Variants in GLIS1 observed in about 807,000 individuals in gnomAD.
GLIS1 encodes GLIS family zinc finger 1.
Under a neutral mutation model 63.8 loss-of-function variants are expected in GLIS1, and 24 were observed. The observed-to-expected ratio is 0.38, with a 90% CI of 0.27 to 0.53. GLIS1 has a LOEUF of 0.53. Ranked by LOEUF, GLIS1 falls within the 20% of genes least tolerant of loss-of-function variation. The pLI is 0.85. For missense variants in GLIS1, 1,036 were observed against 1,074.1 expected, an observed-to-expected ratio of 0.96 and a Z score of 0.50; for synonymous variants, 450 against 482.5, an observed-to-expected ratio of 0.93 and a Z score of 0.88.
intron 2 of GLIS1, among the ~76,000 whole-genome samples, chr1:53,725,397 G>T (rs1408471628): frequency 6.6e-6 from 1 of 152,172 alleles, no homozygotes; most frequent in African/African-American, 2.4e-5. Context: ...ATGCTACCCT[G>T]GCCAGGGGAG....
At chr1:53,553,461 C>T (rs1288603048) in intron 4 of GLIS1, among the ~76,000 whole-genome samples, 1 of 151,886 alleles carries the variant, frequency 6.6e-6, no homozygotes, top group African/African-American at 2.4e-5. Flanking sequence ...AGAAGCTAAG[C>T]ATCATTCTAG....
At chr1:53,561,927 C>A (rs1293154081) in intron 4 of GLIS1, among the ~76,000 whole-genome samples, 1 of 152,224 alleles carries the variant, frequency 6.6e-6, no homozygotes, top group African/African-American at 2.4e-5. Context: ...TCACTATTCC[C>A]GTCTCAGAGG....
At chr1:53,549,183 C>A (rs1411498839) in intron 4 of GLIS1, among the ~76,000 whole-genome samples, 1 of 152,208 alleles carries the variant, frequency 6.6e-6, no homozygotes, top group Non-Finnish European at 1.5e-5. Context: ...TCCATCCCTC[C>A]ATTGATGGAC....
In GLIS1 at chr1:53,526,771, G is replaced by A. The variant is rs1376535500; in HGVS notation, c.1483-1884C>T. 6.6e-6 allele frequency among the ~76,000 whole-genome samples: 1 copy of A among 152,248 alleles called. No homozygotes were observed. The highest frequency in any genetic ancestry group is 1.5e-5 in the Non-Finnish European group (1 of 68,044). On this transcript the variant is annotated intron_variant, in intron 5 of 10. Coordinates refer to ENST00000628545, the MANE Select transcript of GLIS1 (RefSeq NM_001367484.1). The surrounding 1 kb of genome is among the most constrained non-coding windows in gnomAD (Gnocchi z 4.4). ...CCGGCACATTCGCCTGGAAACGGGCGGCAAGGCCCATCTCTGTGTTTGTTT... is the reference window on the plus strand; with the variant it reads ...CCGGCACATTCGCCTGGAAACGGGCAGCAAGGCCCATCTCTGTGTTTGTTT...
At chr1:53,667,640 T>C (rs888033582) in intron 2 of GLIS1, among the ~76,000 whole-genome samples, 3 of 152,180 alleles carry the variant, frequency 2.0e-5, no homozygotes, top group African/African-American at 7.2e-5. Context: ...TAACACTGGG[T>C]AATTTATAAG....
At position 53,510,039 on chromosome 1, in the gene GLIS1, A is replaced by G; in HGVS notation, c.1884-12T>C. ...GGCCGGGCCCCAACCTGGAGAGAAC[A>G]GAGGTGCCCATCAGCAGGCAGGGGT... On this transcript the variant is annotated splice_polypyrimidine_tract_variant and intron_variant, in intron 8 of 10. Coordinates refer to ENST00000628545, the MANE Select transcript of GLIS1 (RefSeq NM_001367484.1). 6 of 1,258,636 alleles carry G rather than the reference A, an allele frequency of 4.8e-6. No individual in the cohort carries two copies. The highest frequency in any genetic ancestry group is 6.0e-6 in the Non-Finnish European group (6 of 993,814). The allele number at this position is 1,258,636 out of a possible 1,614,324, so 78.0% of individuals were successfully genotyped here.
At chr1:53,600,840 A>G (rs1269270292) in intron 2 of GLIS1, among the ~76,000 whole-genome samples, 3 of 152,222 alleles carry the variant, frequency 2.0e-5, no homozygotes, top group African/African-American at 7.2e-5. Flanking sequence ...CCACAGAAAC[A>G]CAGTGTGCAA....
intron 2 of GLIS1, among the ~76,000 whole-genome samples, chr1:53,666,209 C>T (rs1646089666): frequency 6.6e-6 from 1 of 152,200 alleles, no homozygotes; most frequent in Non-Finnish European, 1.5e-5. Flanking sequence ...GTTAACTGAG[C>T]ACCTGCTATG....
intron 4 of GLIS1, among the ~76,000 whole-genome samples, chr1:53,572,580 C>T (rs1441711307): frequency 6.6e-6 from 1 of 152,198 alleles, no homozygotes; most frequent in Non-Finnish European, 1.5e-5. Context: ...CAACAGCCTC[C>T]GTGCAGTCAG....
chr1:53,552,253 T>C (rs1444039123), intron 4 of GLIS1, among the ~76,000 whole-genome samples: 1 of 151,974 alleles, frequency 6.6e-6, no homozygotes, highest in Non-Finnish European at 1.5e-5. Context: ...TAAGCTGCTA[T>C]AGGTGGAAAG....
intron 4 of GLIS1, among the ~76,000 whole-genome samples, chr1:53,565,673 A>G (rs552264065): frequency 1.1e-4 from 16 of 150,208 alleles, no homozygotes; most frequent in Non-Finnish European, 2.1e-4. Flanking sequence ...AGAAATAGAA[A>G]GCATTAACAG....
chr1:53,506,555 G>A lies in GLIS1; in HGVS notation c.*64C>T. 2 of 1,533,816 alleles carry A rather than the reference G, an allele frequency of 1.3e-6. No homozygotes were observed. The highest frequency in any genetic ancestry group is 1.8e-6 in the Non-Finnish European group (2 of 1,116,208). On this transcript the variant is annotated 3_prime_UTR_variant, in exon 11 of 11. Coordinates refer to ENST00000628545, the MANE Select transcript of GLIS1 (RefSeq NM_001367484.1). The stretch of plus-strand genomic sequence containing the variant: ...CCTGCTAGGTGCACGGAGGGTGGGA[G>A]CGACAGCAGGTGGGCGAGGTGGCAT...
intron 1 of GLIS1, among the ~76,000 whole-genome samples, chr1:53,738,516 C>G (rs896538445): frequency 6.6e-6 from 1 of 152,110 alleles, no homozygotes; most frequent in Non-Finnish European, 1.5e-5. Flanking sequence ...GGCGAAGCCC[C>G]GGAGACGGCT....
At chr1:53,547,390 G>A (rs1288572932) in intron 4 of GLIS1, among the ~76,000 whole-genome samples, 2 of 152,246 alleles carry the variant, frequency 1.3e-5, no homozygotes, top group African/African-American at 2.4e-5. Flanking sequence ...GCTGAAGGTG[G>A]CAAGACCAAC....
chr1:53,567,270 T>C (rs913525847), intron 4 of GLIS1, among the ~76,000 whole-genome samples: 1 of 152,218 alleles, frequency 6.6e-6, no homozygotes, highest in Non-Finnish European at 1.5e-5. Context: ...AACTTTGAAT[T>C]TGAAAGAGAT....
chr1:53,615,276 C>A (rs894648496), intron 2 of GLIS1, among the ~76,000 whole-genome samples: 1 of 152,172 alleles, frequency 6.6e-6, no homozygotes, highest in African/African-American at 2.4e-5. Context: ...TGAGATAAGG[C>A]GGCTGGCAGG....
At chr1:53,670,142 T>A (rs1017331637) in intron 2 of GLIS1, among the ~76,000 whole-genome samples, 7 of 152,190 alleles carry the variant, frequency 4.6e-5, no homozygotes, top group Admixed American at 2.6e-4. Context: ...GGATTCAATA[T>A]TAAACTAGCT....
chr1:53,643,026 G>A (rs773650872), intron 2 of GLIS1, among the ~76,000 whole-genome samples: 5 of 152,182 alleles, frequency 3.3e-5, no homozygotes, highest in Non-Finnish European at 5.9e-5. Context: ...ACAGTCTGAG[G>A]CCTGCAGACT....
At chr1:53,510,600 C>T (rs1051165629) in intron 8 of GLIS1, among the ~76,000 whole-genome samples, 1 of 152,194 alleles carries the variant, frequency 6.6e-6, no homozygotes, top group Non-Finnish European at 1.5e-5. Context: ...GAGCTTTGCC[C>T]AAGTTACTCC....
Sources: allele counts gnomAD v4.1 joint callset (sites outside exome capture counted in the v4.1 genomes callset), GRCh38; gene constraint gnomAD v4.1.1; non-coding constraint Gnocchi (gnomAD v3.1); transcripts MANE v1.5; gene names NCBI Gene and HGNC (gene_info 2026-07-23, HGNC 2026-07-21).